The following RAD51B variants were observed in gnomAD, a reference collection of about 807,000 sequenced individuals.
The protein encoded by RAD51B is DNA repair protein RAD51 homolog 2.
Under a neutral mutation model 42.2 loss-of-function variants are expected in RAD51B, and 38 were observed. The observed-to-expected ratio is 0.90, with a 90% confidence interval of 0.70 to 1.18. RAD51B has a LOEUF of 1.18. Among genes scored for constraint, RAD51B ranks in the 50% most tolerant of loss-of-function variants. The pLI is 0.00. For synonymous variants in RAD51B, 154 were observed against 145.2 expected (o/e 1.06, Z -0.43); for missense variants, 373 against 400.7 (o/e 0.93, Z 0.59).
chr14:68,326,038 CTTT>C (rs763428544), intron 8 of RAD51B, among the ~76,000 whole-genome samples: 10 of 80,470 alleles, frequency 1.2e-4, no homozygotes, highest in Admixed American at 3.1e-4. Context: ...TTTTTCTTTT[CTTT>C]TTTTTTTTTT....
intron 7 of RAD51B, among the ~76,000 whole-genome samples, chr14:67,968,195 C>G (rs1387094985): frequency 6.6e-6 from 1 of 152,160 alleles, no homozygotes; most frequent in African/African-American, 2.4e-5. Flanking sequence ...AGCATGGGGC[C>G]CTGGGCCCAG....
intron 10 of RAD51B, among the ~76,000 whole-genome samples, chr14:68,624,800 C>A (rs1330310286): frequency 6.6e-6 from 1 of 152,194 alleles, no homozygotes; most frequent in African/African-American, 2.4e-5. Flanking sequence ...CTTCCCTCAT[C>A]ATCCCTTTTG....
chr14:67,982,238 A>G (rs1006598028), intron 7 of RAD51B, among the ~76,000 whole-genome samples: 2 of 152,144 alleles, frequency 1.3e-5, no homozygotes, highest in South Asian at 2.1e-4. Flanking sequence ...TCTGGCCCCA[A>G]TTGTACACTT....
chr14:68,301,106 C>A (rs531819147), intron 8 of RAD51B, among the ~76,000 whole-genome samples: 2 of 152,140 alleles, frequency 1.3e-5, no homozygotes, highest in East Asian at 3.9e-4. Context: ...TAATAGAAGG[C>A]CTTTTTAGGT....
chr14:68,173,379 G>T (rs2078908640), intron 7 of RAD51B, among the ~76,000 whole-genome samples: 1 of 152,132 alleles, frequency 6.6e-6, no homozygotes, highest in South Asian at 2.1e-4. Flanking sequence ...CTGCCTGTGG[G>T]AACACTCTGG....
intron 10 of RAD51B, among the ~76,000 whole-genome samples, chr14:68,490,907 A>AG (rs1740818310): frequency 6.6e-6 from 1 of 152,164 alleles, no homozygotes; most frequent in Admixed American, 6.5e-5. Flanking sequence ...AAGCAATGGG[A>AG]GGCCTCCTCA....
chr14:68,422,162 A>G (rs1212115206), intron 9 of RAD51B: 2 of 1,302,324 alleles, frequency 1.5e-6, no homozygotes, highest in African/African-American at 2.9e-5. Flanking sequence ...CTCGCTGTCG[A>G]CGGCAAATTC....
chr14:68,601,241 T>TG (rs772554963), intron 10 of RAD51B, among the ~76,000 whole-genome samples: 20 of 151,494 alleles, frequency 1.3e-4, no homozygotes, highest in Admixed American at 5.9e-4. Context: ...TTTTTTTTGG[T>TG]GGGGGGGTGG....
intron 8 of RAD51B, among the ~76,000 whole-genome samples, chr14:68,303,428 G>A (rs1224858118): frequency 6.9e-6 from 1 of 145,886 alleles, no homozygotes; most frequent in African/African-American, 2.6e-5. Context: ...TGCACGTTCT[G>A]CACATGTATC....
At chr14:67,925,428 A>G (rs2140143648) in intron 7 of RAD51B, among the ~76,000 whole-genome samples, 1 of 152,176 alleles carries the variant, frequency 6.6e-6, no homozygotes, top group African/African-American at 2.4e-5. Flanking sequence ...GCCTGCCACC[A>G]CGTCTGGCTA....
intron 7 of RAD51B, among the ~76,000 whole-genome samples, chr14:67,900,434 A>G (rs2043570857): frequency 6.6e-6 from 1 of 152,128 alleles, no homozygotes; most frequent in Non-Finnish European, 1.5e-5. Flanking sequence ...GGTTTTATGA[A>G]GACACAATAC....
At chr14:68,303,722 A>C (rs538813613) in intron 8 of RAD51B, among the ~76,000 whole-genome samples, 2 of 152,322 alleles carry the variant, frequency 1.3e-5, no homozygotes, top group African/African-American at 4.8e-5. Flanking sequence ...CTACCTTACC[A>C]ACCCAGGAGA....
chr14:68,164,781 G>A (rs1219704228), intron 7 of RAD51B, among the ~76,000 whole-genome samples: 1 of 152,104 alleles, frequency 6.6e-6, no homozygotes, highest in Admixed American at 6.6e-5. Flanking sequence ...GTTCCCACTA[G>A]CATTTTCAGT....
At chr14:68,024,901 C>A (rs1039034474) in intron 7 of RAD51B, among the ~76,000 whole-genome samples, 1 of 151,842 alleles carries the variant, frequency 6.6e-6, no homozygotes, top group African/African-American at 2.4e-5. Flanking sequence ...ATAGTAGTGG[C>A]GAGATTAGGC....
chr14:68,410,556 C>T (rs1338128035), intron 8 of RAD51B, among the ~76,000 whole-genome samples: 8 of 151,996 alleles, frequency 5.3e-5, no homozygotes, highest in Admixed American at 1.3e-4. Flanking sequence ...CAGAGGAGGC[C>T]TTGGGCACAG....
intron 10 of RAD51B, among the ~76,000 whole-genome samples, chr14:68,475,439 A>G (rs1254995106): frequency 6.6e-6 from 1 of 152,160 alleles, no homozygotes; most frequent in Non-Finnish European, 1.5e-5. Context: ...TTGGTTCCAG[A>G]CTCTAAAGTA....
At chr14:68,355,637 G>T (rs2082884296) in intron 8 of RAD51B, among the ~76,000 whole-genome samples, 1 of 152,124 alleles carries the variant, frequency 6.6e-6, no homozygotes, top group Non-Finnish European at 1.5e-5. Context: ...AGTGAAAATA[G>T]AATTATTGTT....
At chr14:68,338,162 G>T (rs2082495991) in intron 8 of RAD51B, among the ~76,000 whole-genome samples, 1 of 152,030 alleles carries the variant, frequency 6.6e-6, no homozygotes, top group Non-Finnish European at 1.5e-5. Context: ...TTGTCATAAG[G>T]AATCACGAGA....
At chr14:68,120,330 C>T (rs1460231821) in intron 7 of RAD51B, among the ~76,000 whole-genome samples, 1 of 152,082 alleles carries the variant, frequency 6.6e-6, no homozygotes, top group African/African-American at 2.4e-5. Context: ...TTAATTAGAT[C>T]CCATTTGTCA....
Sources: gnomAD v4.1 joint callset for allele counts (sites outside exome capture counted in the v4.1 genomes callset) on GRCh38, gnomAD v4.1.1 for gene constraint, MANE v1.5 for transcripts, NCBI Gene and HGNC (gene_info 2026-07-23, HGNC 2026-07-21) for gene names.